The following BABAM2 variants were observed in gnomAD, a reference collection of about 807,000 sequenced individuals.
The protein encoded by BABAM2 is BRISC and BRCA1-A complex member 2.
In BABAM2, 31 loss-of-function variants were observed where a neutral mutation model predicts 54.7. The ratio of observed to expected loss-of-function variants is 0.57; its 90% CI spans 0.43 to 0.77. The LOEUF is 0.77. Among genes scored for constraint, BABAM2 ranks in the 30% least tolerant of loss-of-function variants. The pLI is 0.00. For synonymous variants in BABAM2, 167 were observed against 162.9 expected (o/e 1.03, Z -0.19); for missense variants, 364 against 455.8 (o/e 0.80, Z 1.83).
At chr2:28,102,044 T>G (rs1446592948) in intron 6 of BABAM2, among the ~76,000 whole-genome samples, 1 of 152,220 alleles carries the variant, frequency 6.6e-6, no homozygotes, top group Non-Finnish European at 1.5e-5. Context: ...ACTCCTATAG[T>G]GTTTTGAAGG....
intron 3 of BABAM2, among the ~76,000 whole-genome samples, chr2:27,939,038 C>T (rs941447223): frequency 7.2e-5 from 11 of 152,104 alleles, no homozygotes; most frequent in African/African-American, 2.4e-4. Context: ...CTTCAACCTC[C>T]ACCTCCTGGG....
chr2:28,243,614 G>A (rs1187483458), intron 9 of BABAM2, among the ~76,000 whole-genome samples: 1 of 152,166 alleles, frequency 6.6e-6, no homozygotes, highest in Non-Finnish European at 1.5e-5. Context: ...GGCTGAGGCA[G>A]GAGAATTGCC....
chr2:27,916,038 A>G (rs1174265899), intron 2 of BABAM2, among the ~76,000 whole-genome samples: 1 of 152,230 alleles, frequency 6.6e-6, no homozygotes, highest in African/African-American at 2.4e-5. Context: ...ACAAACATAA[A>G]TAAAGCATGT....
At chr2:28,271,103 A>C (rs1361713646) in intron 10 of BABAM2, among the ~76,000 whole-genome samples, 1 of 152,228 alleles carries the variant, frequency 6.6e-6, no homozygotes, top group African/African-American at 2.4e-5. Context: ...ATAGCTGTCC[A>C]TAAGCACATA....
At chr2:28,241,852 C>G (rs1189604726) in intron 9 of BABAM2, among the ~76,000 whole-genome samples, 2 of 137,818 alleles carry the variant, frequency 1.5e-5, no homozygotes, top group African/African-American at 5.4e-5. Context: ...CATACCAAAG[C>G]TCCCAGGATC....
rs114766381 is a variant in BABAM2 at position 27,929,584 on chromosome 2, C to T, written c.129-248C>T. Among the ~76,000 whole-genome samples the T allele has an allele frequency of 6.1e-3, 934 of 152,274 alleles. 6 individuals are homozygous for T. The highest frequency in any genetic ancestry group is 9.3e-3 in the Non-Finnish European group (630 of 68,020). On this transcript the variant is annotated intron_variant, in intron 2 of 11. Coordinates refer to ENST00000379624, the MANE Select transcript of BABAM2 (RefSeq NM_199191.3). ...GCCTCTTTGAGAAAAGTAGTTGAAG[C>T]ACACTGTTGATGTTTGTCGTTAGAA...
chr2:28,295,798 C>A (rs1032003090), intron 10 of BABAM2, among the ~76,000 whole-genome samples: 3 of 151,520 alleles, frequency 2.0e-5, no homozygotes, highest in Non-Finnish European at 4.4e-5. Context: ...CGCCCAGCCA[C>A]GAATAGGCCT....
intron 10 of BABAM2, among the ~76,000 whole-genome samples, chr2:28,290,092 C>T (rs1687166025): frequency 6.6e-6 from 1 of 152,158 alleles, no homozygotes; most frequent in Non-Finnish European, 1.5e-5. Context: ...GAACAGTGTT[C>T]ATCTGCAGCT....
chr2:27,927,854 T>A (rs199825520), intron 2 of BABAM2, among the ~76,000 whole-genome samples: 2 of 150,752 alleles, frequency 1.3e-5, no homozygotes, highest in African/African-American at 2.4e-5. Flanking sequence ...TTTTTTTTTT[T>A]CTTTTTTGAT....
intron 7 of BABAM2, among the ~76,000 whole-genome samples, chr2:28,161,763 C>T (rs1222519873): frequency 1.3e-5 from 2 of 152,026 alleles, no homozygotes; most frequent in Non-Finnish European, 2.9e-5. Context: ...TCTTGCACAG[C>T]AGTTACTTAA....
chr2:28,236,344 CT>C (rs1231226547), intron 7 of BABAM2, among the ~76,000 whole-genome samples: 84 of 144,284 alleles, frequency 5.8e-4, no homozygotes, highest in Admixed American at 1.2e-3. Context: ...AAAAGAATTT[CT>C]TTTTTTTTTT....
chr2:28,292,637 G>A (rs1184921202), intron 10 of BABAM2, among the ~76,000 whole-genome samples: 1 of 152,196 alleles, frequency 6.6e-6, no homozygotes, highest in African/African-American at 2.4e-5. Context: ...ACAAGATGGG[G>A]CCTCAACTCC....
chr2:28,199,419 G>C (rs1678009816), intron 7 of BABAM2, among the ~76,000 whole-genome samples: 1 of 152,140 alleles, frequency 6.6e-6, no homozygotes. Context: ...GACAGTCTTT[G>C]TTTTGAAATT....
intron 7 of BABAM2, among the ~76,000 whole-genome samples, chr2:28,163,452 G>T (rs1673304450): frequency 6.6e-6 from 1 of 152,176 alleles, no homozygotes; most frequent in African/African-American, 2.4e-5. Flanking sequence ...CATTTTTCTT[G>T]TCTTGAGGCA....
At position 28,025,516 on chromosome 2, in the gene BABAM2, TA is replaced by T. The variant is rs1245534776; in HGVS notation, c.495+99del. 3.3e-6 allele frequency: 4 copies of T among 1,213,758 alleles called. No individual in the cohort carries two copies. The South Asian group carries it at 7.3e-5, about 22-fold the overall frequency. The allele number at this position is 1,213,758 out of a possible 1,614,324, so 75.2% of individuals were successfully genotyped here. The stretch of plus-strand genomic sequence containing the variant: ...TGTAAATCCTAGTCATTTCTTTAGA[TA>T]AACATGGTCCAGGTAGCCTATATGT... On this transcript the variant is annotated intron_variant, in intron 5 of 11. Coordinates refer to ENST00000379624, the MANE Select transcript of BABAM2 (RefSeq NM_199191.3).
At chr2:28,268,206 C>T (rs958905369) in intron 10 of BABAM2, among the ~76,000 whole-genome samples, 3 of 152,244 alleles carry the variant, frequency 2.0e-5, no homozygotes, top group Non-Finnish European at 4.4e-5. Context: ...CGCAGTGGCA[C>T]ATGCCTATAG....
intron 4 of BABAM2, among the ~76,000 whole-genome samples, chr2:27,989,599 G>T (rs1672641613): frequency 6.6e-6 from 1 of 152,274 alleles, no homozygotes; most frequent in East Asian, 1.9e-4. Flanking sequence ...TGAATGCTGG[G>T]CTAGGAGCCA....
intron 2 of BABAM2, among the ~76,000 whole-genome samples, chr2:27,903,652 G>A (rs1437281328): frequency 1.3e-5 from 2 of 152,254 alleles, no homozygotes; most frequent in African/African-American, 4.8e-5. Context: ...CTCTGTTGCC[G>A]TCAGTCAGAA....
intron 2 of BABAM2, among the ~76,000 whole-genome samples, chr2:27,908,358 A>G (rs1328586807): frequency 1.3e-5 from 2 of 151,790 alleles, no homozygotes. Flanking sequence ...TGCAGCCTCA[A>G]CCTCCTGGGC....
Sources: gnomAD v4.1 joint callset for allele counts (sites outside exome capture counted in the v4.1 genomes callset) on GRCh38, gnomAD v4.1.1 for gene constraint, MANE v1.5 for transcripts, NCBI Gene and HGNC (gene_info 2026-07-23, HGNC 2026-07-21) for gene names.